The following SLC24A3 variants were observed in gnomAD, a reference collection of about 807,000 sequenced individuals.
The protein encoded by SLC24A3 is solute carrier family 24 member 3.
A neutral mutation model predicts 75.8 loss-of-function variants in SLC24A3; 28 were observed. That is an observed-to-expected ratio of 0.37 (90% CI 0.27 to 0.51). The LOEUF (loss-of-function observed/expected upper bound fraction) is 0.51, where lower values mean the gene tolerates loss of function less well. Ranked by LOEUF, SLC24A3 falls within the 20% of genes least tolerant of loss-of-function variation. SLC24A3 has a pLI of 0.94. For synonymous variants in SLC24A3, 372 were observed against 334.1 expected (o/e 1.11, Z -1.24); for missense variants, 663 against 847.8 (o/e 0.78, Z 2.71).
At chr20:19,441,152 C>T (rs536255562) in intron 2 of SLC24A3, among the ~76,000 whole-genome samples, 15 of 152,306 alleles carry the variant, frequency 9.8e-5, no homozygotes, top group African/African-American at 3.6e-4. Flanking sequence ...ATGGGCTGAC[C>T]TCTGTATGGG....
chr20:19,641,874 C>T (rs957284134), intron 6 of SLC24A3, among the ~76,000 whole-genome samples: 7 of 152,056 alleles, frequency 4.6e-5, no homozygotes, highest in East Asian at 1.9e-4. Flanking sequence ...TAGGTGGGCC[C>T]GGGAATCTGT....
intron 15 of SLC24A3, among the ~76,000 whole-genome samples, chr20:19,706,405 G>T (rs58660958): frequency 0.086 from 13,120 of 152,186 alleles, 1,003 homozygotes; most frequent in East Asian, 0.21. Context: ...GTAGTGTGTG[G>T]CAGTGATTGG....
intron 6 of SLC24A3, among the ~76,000 whole-genome samples, chr20:19,602,527 G>T (rs1326658740): frequency 6.6e-6 from 1 of 152,152 alleles, no homozygotes; most frequent in African/African-American, 2.4e-5. Context: ...CTGGTTTTCA[G>T]TTTCACCCAG....
chr20:19,642,204 G>A (rs576602531), intron 6 of SLC24A3, among the ~76,000 whole-genome samples: 1 of 152,236 alleles, frequency 6.6e-6, no homozygotes, highest in Admixed American at 6.5e-5. Context: ...GTTCCTGACA[G>A]CCCCATATCA....
chr20:19,397,827 G>A (rs1468363857), intron 2 of SLC24A3, among the ~76,000 whole-genome samples: 1 of 151,988 alleles, frequency 6.6e-6, no homozygotes, highest in Non-Finnish European at 1.5e-5. Context: ...TTGTGTGAGA[G>A]TCTGAAGGAG....
intron 2 of SLC24A3, among the ~76,000 whole-genome samples, chr20:19,348,492 G>A (rs961241546): frequency 1.8e-4 from 28 of 151,964 alleles, no homozygotes; most frequent in African/African-American, 5.6e-4. Context: ...AAGCATATTC[G>A]GCCTCTCCCC....
intron 2 of SLC24A3, among the ~76,000 whole-genome samples, chr20:19,472,826 C>T (rs561406749): frequency 4.0e-4 from 61 of 152,308 alleles, no homozygotes; most frequent in East Asian, 1.4e-3. Flanking sequence ...CAATCATCCA[C>T]GTTCACACCC....
At chr20:19,436,853 C>T (rs917318053) in intron 2 of SLC24A3, among the ~76,000 whole-genome samples, 1 of 152,170 alleles carries the variant, frequency 6.6e-6, no homozygotes, top group African/African-American at 2.4e-5. Context: ...TGGTTCAGCA[C>T]AGGCCATGTC....
At chr20:19,689,231 C>T (rs1386585949) in intron 12 of SLC24A3, among the ~76,000 whole-genome samples, 2 of 152,162 alleles carry the variant, frequency 1.3e-5, no homozygotes, top group Non-Finnish European at 2.9e-5. Context: ...ATTTTTATTG[C>T]CGATATTATC....
chr20:19,262,456 T>G (rs1342406691), intron 1 of SLC24A3, among the ~76,000 whole-genome samples: 1 of 147,932 alleles, frequency 6.8e-6, no homozygotes, highest in East Asian at 2.0e-4. Context: ...CATCAGTAGC[T>G]CTCTCTGATA....
At chr20:19,405,633 G>A (rs898631601) in intron 2 of SLC24A3, among the ~76,000 whole-genome samples, 5 of 152,166 alleles carry the variant, frequency 3.3e-5, no homozygotes, top group Non-Finnish European at 7.4e-5. Context: ...CTACATTTTC[G>A]TTGAAAACCA....
At chr20:19,580,711 T>A (rs1350686815) in intron 4 of SLC24A3, among the ~76,000 whole-genome samples, 1 of 152,262 alleles carries the variant, frequency 6.6e-6, no homozygotes, top group Non-Finnish European at 1.5e-5. Flanking sequence ...CATCTCTGTC[T>A]GTTTGGAAAT....
At chr20:19,357,473 C>T (rs1223835418) in intron 2 of SLC24A3, among the ~76,000 whole-genome samples, 5 of 152,160 alleles carry the variant, frequency 3.3e-5, no homozygotes, top group African/African-American at 1.2e-4. Flanking sequence ...TCAACATTGC[C>T]TATTTTTTCT....
intron 3 of SLC24A3, among the ~76,000 whole-genome samples, chr20:19,567,355 G>A (rs2122617514): frequency 6.6e-6 from 1 of 152,318 alleles, no homozygotes; most frequent in South Asian, 2.1e-4. Flanking sequence ...AAAAAAGAAT[G>A]AGGTCATGTC....
At chr20:19,453,290 C>T (rs1987522521) in intron 2 of SLC24A3, among the ~76,000 whole-genome samples, 1 of 152,024 alleles carries the variant, frequency 6.6e-6, no homozygotes, top group African/African-American at 2.4e-5. Flanking sequence ...TTTGAGGCTA[C>T]AGTAAACTAT....
At chr20:19,559,557 C>A (rs1288622580) in intron 3 of SLC24A3, among the ~76,000 whole-genome samples, 1 of 151,956 alleles carries the variant, frequency 6.6e-6, no homozygotes, top group Non-Finnish European at 1.5e-5. Flanking sequence ...TGTAATAAAT[C>A]ATTGTGTAAC....
rs575330123 is a variant in SLC24A3, at chr20:19,424,367, A to T, written c.272-91121A>T. Among the ~76,000 whole-genome samples the T allele has an allele frequency of 2.0e-5, 3 of 152,320 alleles. No homozygotes were observed. In the South Asian group the frequency reaches 6.2e-4, roughly 32 times the overall value. ...TCTGTATATTTTTGCCAAAACTTTG[A>T]AAATAGGTTATAGACATGATGACTA... On this transcript the variant is annotated intron_variant, in intron 2 of 16. Coordinates refer to ENST00000328041, the MANE Select transcript of SLC24A3 (RefSeq NM_020689.4).
intron 2 of SLC24A3, among the ~76,000 whole-genome samples, chr20:19,333,457 G>T (rs942991947): frequency 1.3e-5 from 2 of 152,202 alleles, no homozygotes. Context: ...CTGTTGCAAA[G>T]AGCGGTGTGG....
intron 2 of SLC24A3, among the ~76,000 whole-genome samples, chr20:19,323,145 G>A (rs1984753195): frequency 6.9e-6 from 1 of 145,878 alleles, no homozygotes; most frequent in African/African-American, 2.6e-5. Flanking sequence ...GGCGGAGGTT[G>A]CAGTGAGCCG....
Sources: allele counts gnomAD v4.1 joint callset (sites outside exome capture counted in the v4.1 genomes callset), GRCh38; gene constraint gnomAD v4.1.1; transcripts MANE v1.5; gene names NCBI Gene and HGNC (gene_info 2026-07-23, HGNC 2026-07-21).